NEO1: variants seen among roughly 807,000 people sequenced by gnomAD.
NEO1 encodes neogenin.
In NEO1, 63 loss-of-function variants were observed where a neutral mutation model predicts 159.7. The ratio of observed to expected loss-of-function variants is 0.39; its 90% CI spans 0.32 to 0.49. The LOEUF is 0.49. NEO1 is among the 20% of genes least tolerant of loss of function. The probability of loss-of-function intolerance (pLI) is 0.85; values close to 1 mark genes in which losing one functional copy is unlikely to be tolerated. For synonymous variants in NEO1, 633 were observed against 662.0 expected (o/e 0.96, Z 0.67); for missense variants, 1,615 against 1,831.0 (o/e 0.88, Z 2.15).
chr15:73,122,409 A>C (rs1212440860), intron 2 of NEO1, 116 bp from the exon 3 acceptor site: 1 of 920,296 alleles, frequency 1.1e-6, no homozygotes, highest in African/African-American at 1.7e-5. Flanking sequence ...TTTCTTCTCA[A>C]CCCTGGTTCT....
Position 73,072,779 on chromosome 15 carries a change from T to C in NEO1, c.130+19974T>C, listed in dbSNP as rs186284944. 5.1e-3 allele frequency among the ~76,000 whole-genome samples: 778 copies of C among 152,284 alleles called. 7 individuals are homozygous for C. Among genetic ancestry groups the C allele is most frequent in the Non-Finnish European group, 5.2e-3 (353 of 68,026 alleles). On this transcript the variant is annotated intron_variant, in intron 1 of 28. Coordinates refer to ENST00000261908, the MANE Select transcript of NEO1 (RefSeq NM_002499.4). ...GCCCGTTGTAGTAGCCTAGGTAGTT[T>C]ACAGAGGTAAATTGGATTAGCATGA... is the stretch of plus-strand genomic sequence containing the variant.
intron 1 of NEO1, among the ~76,000 whole-genome samples, chr15:73,094,250 C>G (rs1201130873): frequency 6.6e-6 from 1 of 152,092 alleles, no homozygotes; most frequent in Non-Finnish European, 1.5e-5. Flanking sequence ...CTCATGTTCC[C>G]CGGTCCTAGA....
intron 7 of NEO1, among the ~76,000 whole-genome samples, chr15:73,215,508 C>G (rs1226458290): frequency 6.6e-6 from 1 of 152,144 alleles, no homozygotes; most frequent in Admixed American, 6.5e-5. Context: ...TGGATTTTGT[C>G]AAATGCTTTC....
intron 1 of NEO1, among the ~76,000 whole-genome samples, chr15:73,109,458 T>C (rs1452954110): frequency 6.6e-6 from 1 of 152,166 alleles, no homozygotes; most frequent in African/African-American, 2.4e-5. Flanking sequence ...CCATAGCTTT[T>C]TTTAGTGTCT....
intron 5 of NEO1, among the ~76,000 whole-genome samples, chr15:73,152,170 C>T (rs1465944030): frequency 6.6e-6 from 1 of 152,148 alleles, no homozygotes; most frequent in Admixed American, 6.5e-5. Flanking sequence ...GCCTTTGTTA[C>T]AGTCTTCTCT....
At chr15:73,301,644 CTTGG>C in intron 28 of NEO1, 187 bp downstream of exon 28, 1 of 706,542 alleles carries the variant, frequency 1.4e-6, no homozygotes, top group South Asian at 2.1e-5. Flanking sequence ...GTGCTGAGGA[CTTGG>C]TGTGCTTTCT....
intron 21 of NEO1, among the ~76,000 whole-genome samples, chr15:73,277,459 A>G (rs2041472075): frequency 6.6e-6 from 1 of 152,168 alleles, no homozygotes; most frequent in Admixed American, 6.5e-5. Context: ...CAGCAGCCTC[A>G]CTTAGTATGT....
At position 73,181,195 on chromosome 15, in the gene NEO1, G is replaced by T. The variant is rs186708879; in HGVS notation, c.1291+2768G>T. Among the ~76,000 whole-genome samples, 3 of 152,302 alleles carry T rather than the reference G, an allele frequency of 2.0e-5. No individual in the cohort carries two copies. The East Asian group carries it at 5.8e-4, about 29-fold the overall frequency. ...GAAATAAAATAGAAGACCTGTTCCTGTAGTAAGGTAGCCTTTAACAGCAGA... is the reference window on the plus strand; with the variant it reads ...GAAATAAAATAGAAGACCTGTTCCTTTAGTAAGGTAGCCTTTAACAGCAGA... On this transcript the variant is annotated intron_variant, in intron 7 of 28. Transcript: ENST00000261908.
intron 9 of NEO1, among the ~76,000 whole-genome samples, chr15:73,247,334 G>A (rs1337901958): frequency 6.6e-6 from 1 of 152,172 alleles, no homozygotes; most frequent in Admixed American, 6.5e-5. Context: ...CAGCTGAAAT[G>A]AAAGAATTCA....
chr15:73,229,454 T>G (rs1208749945), intron 7 of NEO1, among the ~76,000 whole-genome samples: 6 of 151,604 alleles, frequency 4.0e-5, no homozygotes, highest in Non-Finnish European at 5.9e-5. Context: ...TTTAGTTGTT[T>G]TTTTTTTTTT....
In NEO1 at chr15:73,213,198, T is replaced by G. The variant is rs181507637; in HGVS notation, c.1292-23149T>G. 1.2e-4 allele frequency among the ~76,000 whole-genome samples: 18 copies of G among 152,202 alleles called. No homozygotes were observed. The East Asian group carries it at 3.1e-3, about 26-fold the overall frequency. ...TGGAGGTTTTCAGGCATGGGCTCTTTTTGTTGTTGTTGTTGTTGGTTGAAT... is the reference window on the plus strand; with the variant it reads ...TGGAGGTTTTCAGGCATGGGCTCTTGTTGTTGTTGTTGTTGTTGGTTGAAT... On this transcript the variant is annotated intron_variant, in intron 7 of 28. Transcript: ENST00000261908.
intron 4 of NEO1, among the ~76,000 whole-genome samples, chr15:73,133,379 G>A (rs1181771416): frequency 6.6e-6 from 1 of 152,090 alleles, no homozygotes; most frequent in African/African-American, 2.4e-5. Flanking sequence ...ATGGTACAGT[G>A]GACTTTGGGG....
chr15:73,254,654 C>T, intron 12 of NEO1, 28 bp from the exon 13 acceptor site: 1 of 1,558,232 alleles, frequency 6.4e-7, no homozygotes, highest in Non-Finnish European at 8.6e-7. Context: ...TATATTCAGC[C>T]TTTTTTCTAT....
At chr15:73,114,951 T>C (rs1295724169) in intron 1 of NEO1, among the ~76,000 whole-genome samples, 1 of 152,212 alleles carries the variant, frequency 6.6e-6, no homozygotes, top group Non-Finnish European at 1.5e-5. Context: ...AAGAAACTAA[T>C]TGCAGGTTAC....
chr15:73,091,738 C>CTT (rs11320847), intron 1 of NEO1, among the ~76,000 whole-genome samples: 4 of 127,448 alleles, frequency 3.1e-5, no homozygotes, highest in Non-Finnish European at 6.6e-5. Flanking sequence ...TAATTTTACA[C>CTT]TTTTTTTTTT....
At chr15:73,242,438 C>T (rs966562114) in intron 8 of NEO1, among the ~76,000 whole-genome samples, 2 of 152,122 alleles carry the variant, frequency 1.3e-5, no homozygotes, top group African/African-American at 2.4e-5. Flanking sequence ...GAGGCTGAGG[C>T]GGGTGGATCG....
intron 5 of NEO1, among the ~76,000 whole-genome samples, chr15:73,166,334 C>T (rs2034567287): frequency 6.6e-6 from 1 of 152,190 alleles, no homozygotes; most frequent in South Asian, 2.1e-4. Context: ...TTTGAACTAA[C>T]AGTTCCTCTT....
At position 73,126,471 on chromosome 15, in the gene NEO1, G is replaced by T; in HGVS notation, c.779G>T (p.Arg260Ile). ...TTGAAACAGCCTTCTCCCTTAGTCAGAGTCATTGGTCAGGATGTAGTGTTG... is the reference window on the plus strand; with the variant it reads ...TTGAAACAGCCTTCTCCCTTAGTCATAGTCATTGGTCAGGATGTAGTGTTG... ...VFLKQPSPLVRVIGQDVVLPC... is the reference protein window; with the variant it reads ...VFLKQPSPLVIVIGQDVVLPC... The change falls in exon 4 of 29, where the codon AGA (arginine) becomes ATA (isoleucine). Residue 260 changes from arginine (R) to isoleucine (I), a missense_variant. By Grantham distance (97) the Arg-to-Ile change is moderately conservative. Coordinates refer to ENST00000261908, the MANE Select transcript of NEO1 (RefSeq NM_002499.4). The T allele has an allele frequency of 6.2e-7, 1 of 1,613,254 alleles. No individual in the cohort carries two copies.
chr15:73,180,299 TA>T (rs1182267969), intron 7 of NEO1, among the ~76,000 whole-genome samples: 1 of 152,202 alleles, frequency 6.6e-6, no homozygotes, highest in East Asian at 1.9e-4. Context: ...TTTTGTGTGC[TA>T]TTTTTTGAAA....
Sources: allele counts gnomAD v4.1 joint callset (sites outside exome capture counted in the v4.1 genomes callset), GRCh38; gene constraint gnomAD v4.1.1; transcripts MANE v1.5; gene names NCBI Gene and HGNC (gene_info 2026-07-23, HGNC 2026-07-21).